Variants in ISOC1 observed in about 807,000 individuals in gnomAD.
The protein encoded by ISOC1 is isochorismatase domain containing 1, also known as isochorismatase domain-containing protein 1.
ISOC1 carries 33 observed loss-of-function variants against 30.0 expected under a neutral mutation model. The observed-to-expected ratio is 1.10, with a 90% CI of 0.83 to 1.47. ISOC1 has a LOEUF of 1.47. Among genes scored for constraint, ISOC1 ranks in the 40% most tolerant of loss-of-function variants. The pLI is 0.00. For missense variants in ISOC1, 372 were observed against 388.0 expected (o/e 0.96, Z 0.35); for synonymous variants, 178 against 159.8 (o/e 1.11, Z -0.86).
intron 3 of ISOC1, 118 bp from the exon 4 acceptor site, chr5:129,106,828 A>G: frequency 1.6e-6 from 1 of 644,800 alleles, no homozygotes; most frequent in Non-Finnish European, 2.8e-6. Flanking sequence ...AACTAGATGT[A>G]GAACAAGGTC....
At position 129,107,026 on chromosome 5, in the gene ISOC1, A is replaced by T; in HGVS notation, c.714A>T (p.Ser238=). 1 of 1,613,816 alleles carries T rather than the reference A, an allele frequency of 6.2e-7. No individual in the cohort carries two copies. Among genetic ancestry groups the T allele is most frequent in the East Asian group, 2.2e-5 (1 of 44,862 alleles). The change falls in exon 4 of 5, where the codon TCA becomes TCT. Residue 238 remains serine, a synonymous_variant. Transcript: ENST00000173527. ...TTCACATTGTTGCTGATGCCACCTC[A>T]TCAAGAAGCATGATGGACAGGATGT... ...VEVHIVADAT[S]SRSMMDRMFA...
chr5:129,099,835 G>A (rs1753548939), intron 1 of ISOC1, among the ~76,000 whole-genome samples: 1 of 152,128 alleles, frequency 6.6e-6, no homozygotes, highest in Non-Finnish European at 1.5e-5. Context: ...TTTAATCCTT[G>A]AAATACCCCT....
At chr5:129,108,179 A>G (rs1753661022) in intron 4 of ISOC1, among the ~76,000 whole-genome samples, 1 of 152,126 alleles carries the variant, frequency 6.6e-6, no homozygotes, top group Non-Finnish European at 1.5e-5. Flanking sequence ...TAGGAATGCT[A>G]ACTCATCCCT....
chr5:129,095,458 G>A (rs1047333417), intron 1 of ISOC1, among the ~76,000 whole-genome samples: 1 of 152,218 alleles, frequency 6.6e-6, no homozygotes, highest in African/African-American at 2.4e-5. Flanking sequence ...GATGGGTGAT[G>A]CAGAATGGGG....
At chr5:129,104,305 G>GT (rs1753607297) in intron 1 of ISOC1, among the ~76,000 whole-genome samples, 1 of 151,770 alleles carries the variant, frequency 6.6e-6, no homozygotes. Context: ...GCTTCTGTCT[G>GT]TTTTTTGTTT....
rs1420496720 is a variant in ISOC1 at position 129,094,801 on chromosome 5, C to G, written c.35C>G (p.Pro12Arg). 6.5e-7 allele frequency: 1 copy of G among 1,532,896 alleles called. No homozygotes were observed. The highest frequency in any genetic ancestry group is 2.0e-5 in the Admixed American group (1 of 50,314). The allele number at this position is 1,532,896 out of a possible 1,614,324, so 95.0% of individuals were successfully genotyped here. A position where few individuals can be genotyped will look rare whatever the true frequency, so the allele number is the denominator to read the frequency against. ...AAAEPAVLAL[P>R]NSGAGGAGAP... is the part of the protein sequence containing the mutation. ...GCGGAGCCGGCGGTCCTTGCGCTCC[C>G]CAACAGCGGCGCCGGGGGCGCGGGG... Residue 12 changes from proline to arginine, a missense_variant, in exon 1 of 5, where the codon CCC (proline) becomes CGC (arginine). Coordinates refer to ENST00000173527, the MANE Select transcript of ISOC1 (RefSeq NM_016048.2).
chr5:129,112,896 T>C lies in ISOC1; in HGVS notation c.792T>C (p.Ala264=). 1 of 1,613,872 alleles carries C rather than the reference T, an allele frequency of 6.2e-7. No homozygotes were observed. Among genetic ancestry groups the C allele is most frequent in the Non-Finnish European group, 8.5e-7 (1 of 1,179,794 alleles). Residue 264 remains alanine, a synonymous_variant, in exon 5 of 5, where the codon GCT becomes GCC. Coordinates refer to ENST00000173527, the MANE Select transcript of ISOC1 (RefSeq NM_016048.2). ...GGATCATAGTGACCACGAGTGAGGC[T>C]GTTCTGCTTCAGCTGGTAGCTGATA... ...RTGIIVTTSE[A]VLLQLVADKD... is the part of the protein sequence containing the mutation.
At chr5:129,111,215 T>C (rs1212408942) in intron 4 of ISOC1, among the ~76,000 whole-genome samples, 2 of 152,118 alleles carry the variant, frequency 1.3e-5, no homozygotes, top group Non-Finnish European at 2.9e-5. Flanking sequence ...CTGGTGTGTG[T>C]CTGAGCTTAT....
intron 1 of ISOC1, 132 bp downstream of exon 1, chr5:129,095,207 T>C (rs959452404): frequency 1.2e-5 from 10 of 850,090 alleles, no homozygotes; most frequent in South Asian, 7.6e-5. Flanking sequence ...AGTGGCTGAG[T>C]CCGAAGGGCT....
intron 1 of ISOC1, among the ~76,000 whole-genome samples, chr5:129,101,092 G>A (rs568016137): frequency 1.6e-5 from 2 of 125,040 alleles, no homozygotes; most frequent in East Asian, 2.6e-4. Flanking sequence ...CTGTAGCCTC[G>A]ACCTCCCGTT....
intron 2 of ISOC1, 37 bp downstream of exon 2, chr5:129,105,112 T>A (rs201646377): frequency 9.8e-5 from 158 of 1,613,462 alleles, no homozygotes; most frequent in Non-Finnish European, 1.3e-4. Flanking sequence ...ATTTGCTGAA[T>A]CATCATATAC....
chr5:129,108,411 T>G (rs781383264), intron 4 of ISOC1, among the ~76,000 whole-genome samples: 3 of 152,200 alleles, frequency 2.0e-5, no homozygotes, highest in Non-Finnish European at 2.9e-5. Context: ...TTTATTTTGT[T>G]TAGCTATTTT....
chr5:129,100,671 T>C (rs189433639), intron 1 of ISOC1, among the ~76,000 whole-genome samples: 44 of 152,234 alleles, frequency 2.9e-4, no homozygotes, highest in Non-Finnish European at 7.4e-5. Flanking sequence ...ATTTTTTAAT[T>C]ACCTTAAAGA....
chr5:129,103,262 G>A (rs1056909853), intron 1 of ISOC1, among the ~76,000 whole-genome samples: 1 of 152,104 alleles, frequency 6.6e-6, no homozygotes, highest in African/African-American at 2.4e-5. Flanking sequence ...ACAAAAATTA[G>A]CCTTCCCAGC....
chr5:129,094,889 G>C lies in ISOC1; in HGVS notation c.123G>C (p.Val41=), dbSNP rs774559172. 11 of 1,608,708 alleles carry C rather than the reference G, an allele frequency of 6.8e-6. No individual in the cohort carries two copies. The East Asian group carries it at 2.2e-4, about 33-fold the overall frequency. ...CAGTCTTCGCGCGACCCTCGTCGGT[G>C]CCACACGGGGCGGGCTACGAGCTGC... ...CFSVFARPSS[V]PHGAGYELLI... The change falls in exon 1 of 5, where the codon GTG becomes GTC. Residue 41 remains valine, a synonymous_variant. Transcript: ENST00000173527.
intron 1 of ISOC1, among the ~76,000 whole-genome samples, chr5:129,098,938 A>G (rs748445309): frequency 2.0e-5 from 3 of 152,082 alleles, no homozygotes; most frequent in Non-Finnish European, 4.4e-5. Flanking sequence ...TGATAGTTTG[A>G]AGGTAGTGGT....
At chr5:129,099,207 A>AT (rs1753543232) in intron 1 of ISOC1, among the ~76,000 whole-genome samples, 1 of 152,072 alleles carries the variant, frequency 6.6e-6, no homozygotes, top group East Asian at 1.9e-4. Flanking sequence ...TGAATTTTGA[A>AT]TTTTTTTTCT....
chr5:129,100,945 G>T (rs1213011777), intron 1 of ISOC1, among the ~76,000 whole-genome samples: 8 of 150,526 alleles, frequency 5.3e-5, no homozygotes, highest in African/African-American at 1.2e-4. Flanking sequence ...TTTTAGAATA[G>T]CTTTAGATTT....
At position 129,112,781 on chromosome 5, in the gene ISOC1, C is replaced by G. The variant is rs576009717; in HGVS notation, c.751-74C>G. 127 of 1,478,966 alleles carry G rather than the reference C, an allele frequency of 8.6e-5. 1 individual carries two copies. In the African/African-American group the frequency reaches 1.2e-3, roughly 14 times the overall value. The allele number at this position is 1,478,966 out of a possible 1,614,324, so 91.6% of individuals were successfully genotyped here. ...GAGGACACTAATTATTGCATCCCAG[C>G]ATAGTGTTACTCTTCTGAAATAGTG... On this transcript the variant is annotated intron_variant, in intron 4 of 4. Transcript: ENST00000173527.
Sources: gnomAD v4.1 joint callset for allele counts (sites outside exome capture counted in the v4.1 genomes callset) on GRCh38, gnomAD v4.1.1 for gene constraint, MANE v1.5 for transcripts, NCBI Gene and HGNC (gene_info 2026-07-23, HGNC 2026-07-21) for gene names.